The following TMEM132D variants were observed in gnomAD, a reference collection of about 807,000 sequenced individuals.
TMEM132D encodes the protein mature OL transmembrane protein.
Under a neutral mutation model 62.3 loss-of-function variants are expected in TMEM132D, and 21 were observed. That is an observed-to-expected ratio of 0.34 (90% CI 0.24 to 0.49). TMEM132D has a LOEUF of 0.49. TMEM132D is among the 20% of genes least tolerant of loss of function. The pLI, the probability that TMEM132D is intolerant of heterozygous loss-of-function variation, is 0.99. For missense variants in TMEM132D, 1,346 were observed against 1,402.8 expected (o/e 0.96, Z 0.65); for synonymous variants, 621 against 575.6 (o/e 1.08, Z -1.13).
chr12:129,878,811 C>T (rs950350703), intron 1 of TMEM132D, among the ~76,000 whole-genome samples: 2 of 152,090 alleles, frequency 1.3e-5, no homozygotes, highest in African/African-American at 4.8e-5. Flanking sequence ...TCAAGTGATC[C>T]ACCTGCCTTG....
chr12:129,399,878 TGC>T (rs1871565924), intron 3 of TMEM132D, among the ~76,000 whole-genome samples: 2 of 151,340 alleles, frequency 1.3e-5, no homozygotes, highest in African/African-American at 4.9e-5. Flanking sequence ...GTTGTGTGTG[TGC>T]GTGTGTGTGT....
Position 129,623,694 on chromosome 12 carries a change from CAT to C in TMEM132D, c.968+76114_968+76115del, listed in dbSNP as rs911942512. ...ATATACACATATATATACATATATA[CAT>C]ATATATACATACATATGCATATATA... On this transcript the variant is annotated intron_variant, in intron 2 of 8. Transcript: ENST00000422113. 4.7e-4 allele frequency among the ~76,000 whole-genome samples: 65 copies of C among 137,840 alleles called. 1 individual carries two copies. Among genetic ancestry groups the C allele is most frequent in the African/African-American group, 1.7e-3 (59 of 34,942 alleles). The allele number at this position is 137,840 out of a possible 152,430, so 90.4% of individuals were successfully genotyped here.
chr12:129,721,245 C>T (rs1027141899), intron 1 of TMEM132D, among the ~76,000 whole-genome samples: 7 of 152,142 alleles, frequency 4.6e-5, no homozygotes, highest in African/African-American at 9.7e-5. Context: ...GAGGCTGGCC[C>T]GGTGTTCCCT....
intron 1 of TMEM132D, among the ~76,000 whole-genome samples, chr12:129,871,228 G>A (rs1264953856): frequency 1.3e-5 from 2 of 152,298 alleles, no homozygotes; most frequent in East Asian, 3.9e-4. Flanking sequence ...TCCCGTGAGA[G>A]TGAAGTCAGA....
At chr12:129,462,197 A>T (rs561202820) in intron 3 of TMEM132D, among the ~76,000 whole-genome samples, 1 of 152,266 alleles carries the variant, frequency 6.6e-6, no homozygotes, top group Admixed American at 6.5e-5. Flanking sequence ...TAAGATTATT[A>T]AAGGCGCTTC....
intron 3 of TMEM132D, among the ~76,000 whole-genome samples, chr12:129,425,854 G>A (rs547290096): frequency 6.6e-6 from 1 of 152,200 alleles, no homozygotes; most frequent in Non-Finnish European, 1.5e-5. Flanking sequence ...TGGAAAAGTT[G>A]AGTCGACTTC....
chr12:129,841,546 A>T (rs1873194964), intron 1 of TMEM132D, among the ~76,000 whole-genome samples: 1 of 152,164 alleles, frequency 6.6e-6, no homozygotes, highest in Non-Finnish European at 1.5e-5. Flanking sequence ...TCCCTCTGTA[A>T]TAGTAATGAG....
At chr12:129,269,949 C>A (rs1880808258) in intron 4 of TMEM132D, among the ~76,000 whole-genome samples, 1 of 152,138 alleles carries the variant, frequency 6.6e-6, no homozygotes, top group Non-Finnish European at 1.5e-5. Flanking sequence ...GTGACGTGAA[C>A]CTGAGGGATT....
intron 5 of TMEM132D, among the ~76,000 whole-genome samples, chr12:129,173,651 A>G (rs959258748): frequency 6.6e-6 from 1 of 152,118 alleles, no homozygotes; most frequent in Non-Finnish European, 1.5e-5. Flanking sequence ...TGCATTCTCA[A>G]TTTCCTCTCA....
chr12:129,824,029 G>T (rs562902333), intron 1 of TMEM132D, among the ~76,000 whole-genome samples: 2 of 152,208 alleles, frequency 1.3e-5, no homozygotes, highest in Non-Finnish European at 2.9e-5. Context: ...CCCTGTGAGG[G>T]ACAGACACTC....
chr12:129,766,689 G>A (rs4760004), intron 1 of TMEM132D, among the ~76,000 whole-genome samples: 146,326 of 152,166 alleles, frequency 0.96, 70,613 homozygotes, highest in East Asian at 1. Context: ...AATATACTGA[G>A]TAACCCTTAT....
chr12:129,153,966 C>G (rs79158988), intron 5 of TMEM132D, among the ~76,000 whole-genome samples: 1 of 152,156 alleles, frequency 6.6e-6, no homozygotes, highest in African/African-American at 2.4e-5. Context: ...TTTGTCCATT[C>G]CAGGCAAAAC....
intron 5 of TMEM132D, among the ~76,000 whole-genome samples, chr12:129,191,745 G>C (rs1260935876): frequency 1.3e-5 from 2 of 149,688 alleles, no homozygotes; most frequent in African/African-American, 4.9e-5. Context: ...AGGATATAAT[G>C]AACCATACAC....
intron 2 of TMEM132D, among the ~76,000 whole-genome samples, chr12:129,538,550 A>C (rs753488007): frequency 6.6e-6 from 1 of 152,178 alleles, no homozygotes; most frequent in Non-Finnish European, 1.5e-5. Context: ...CCCTATACAT[A>C]CTATGTTTTT....
At chr12:129,711,358 G>A (rs1369421329) in intron 1 of TMEM132D, among the ~76,000 whole-genome samples, 1 of 152,216 alleles carries the variant, frequency 6.6e-6, no homozygotes, top group East Asian at 1.9e-4. Context: ...ACTCCTCTCC[G>A]CTCCCAGCAG....
At chr12:129,637,088 A>G (rs559437361) in intron 2 of TMEM132D, among the ~76,000 whole-genome samples, 31 of 152,322 alleles carry the variant, frequency 2.0e-4, no homozygotes, top group African/African-American at 7.5e-4. Context: ...ACGTGTCGAC[A>G]GTTTTAACTG....
intron 5 of TMEM132D, among the ~76,000 whole-genome samples, chr12:129,193,883 C>T (rs992947140): frequency 6.6e-6 from 1 of 152,208 alleles, no homozygotes; most frequent in Non-Finnish European, 1.5e-5. Context: ...GATGAAGTCA[C>T]ATTTTACCTA....
chr12:129,318,587 G>C lies in TMEM132D; in HGVS notation c.1299+19047C>G, dbSNP rs565981549. Among the ~76,000 whole-genome samples, 3 of 152,276 alleles carry C rather than the reference G, an allele frequency of 2.0e-5. No homozygotes were observed. In the East Asian group the frequency reaches 5.8e-4, roughly 29 times the overall value. Reference sequence around the variant, plus strand: ...GGATTCCATGAGGATCTTTAGCTTTGGCTGTTTAATGCTCTATGTTTGTGC... The same window carrying C: ...GGATTCCATGAGGATCTTTAGCTTTCGCTGTTTAATGCTCTATGTTTGTGC... On this transcript the variant is annotated intron_variant, in intron 4 of 8. Transcript: ENST00000422113.
intron 2 of TMEM132D, among the ~76,000 whole-genome samples, chr12:129,547,760 TAA>T (rs1378399038): frequency 1.3e-5 from 2 of 152,172 alleles, no homozygotes; most frequent in Non-Finnish European, 1.5e-5. Context: ...AATACCCTAC[TAA>T]AAGAGTCTTG....
Sources: allele counts gnomAD v4.1 joint callset (sites outside exome capture counted in the v4.1 genomes callset), GRCh38; gene constraint gnomAD v4.1.1; transcripts MANE v1.5; gene names NCBI Gene and HGNC (gene_info 2026-07-23, HGNC 2026-07-21).